The following CALB2 variants were observed in gnomAD, a reference collection of about 807,000 sequenced individuals.
CALB2 encodes the protein calretinin.
CALB2 carries 34 observed loss-of-function variants against 45.9 expected under a neutral mutation model. The observed-to-expected ratio is 0.74, with a 90% CI of 0.56 to 0.99. The LOEUF is 0.99. CALB2 is among the 50% of genes least tolerant of loss of function. The pLI is 0.00. For synonymous variants in CALB2, 142 were observed against 129.6 expected (o/e 1.10, Z -0.65); for missense variants, 344 against 339.3 (o/e 1.01, Z -0.11).
At chr16:71,387,951 A>G (rs545234790) in intron 10 of CALB2, among the ~76,000 whole-genome samples, 1 of 152,250 alleles carries the variant, frequency 6.6e-6, no homozygotes, top group African/African-American at 2.4e-5. Context: ...AATGGGAAAA[A>G]AAGACTGGCC....
intron 4 of CALB2, among the ~76,000 whole-genome samples, chr16:71,382,124 A>AAATGAAGGAAGGAAAG (rs2042502942): frequency 5.8e-5 from 2 of 34,372 alleles, no homozygotes; most frequent in Non-Finnish European, 1.7e-4. Flanking sequence ...AAAGGAAGAA[A>AAATGAAGGAAGGAAAG]AAGGAAGGAA....
intron 4 of CALB2, among the ~76,000 whole-genome samples, chr16:71,380,811 C>G (rs888128556): frequency 2.6e-5 from 4 of 152,192 alleles, no homozygotes; most frequent in Non-Finnish European, 5.9e-5. Flanking sequence ...CTTGTGCTCT[C>G]AGGTAGCTCC....
chr16:71,381,858 A>G (rs1368188382), intron 4 of CALB2, among the ~76,000 whole-genome samples: 1 of 151,972 alleles, frequency 6.6e-6, no homozygotes, highest in African/African-American at 2.4e-5. Context: ...CTACAAAAAA[A>G]TAAAAAATTA....
intron 4 of CALB2, among the ~76,000 whole-genome samples, chr16:71,380,536 G>A (rs4412976): frequency 0.4 from 60,252 of 151,330 alleles, 12,245 homozygotes; most frequent in Admixed American, 0.51. Context: ...TCAAACTCCC[G>A]ACCTCAGGTG....
rs141424820 is a variant in CALB2 at position 71,377,717 on chromosome 16, G to T, written c.312G>T (p.Gln104His). ...AGAACTTCCTTCTGTGCTTCAGGCA[G>T]CACGTGGGCTCCAGCGCCGAGTTTA... Reference protein sequence around the residue: ...TEENFLLCFRQHVGSSAEFME... With the variant: ...TEENFLLCFRHHVGSSAEFME... Residue 104 changes from glutamine to histidine, a missense_variant, in exon 4 of 11, where the codon CAG becomes CAT. Transcript: ENST00000302628. 2 of 1,613,986 alleles carry T rather than the reference G, an allele frequency of 1.2e-6. No homozygotes were observed. Among genetic ancestry groups the T allele is most frequent in the African/African-American group, 2.7e-5 (2 of 74,928 alleles).
At chr16:71,384,934 G>A (rs2042553098) in intron 9 of CALB2, 98 bp downstream of exon 9, 2 of 1,047,724 alleles carry the variant, frequency 1.9e-6, no homozygotes, top group South Asian at 1.3e-5. Context: ...CTTTCCAGGG[G>A]TGGCCTGGGC....
chr16:71,380,682 G>A (rs764008167), intron 4 of CALB2, among the ~76,000 whole-genome samples: 12 of 152,096 alleles, frequency 7.9e-5, no homozygotes, highest in African/African-American at 2.2e-4. Flanking sequence ...TGCCCGCCAC[G>A]GTTTCTGGGA....
Position 71,389,970 on chromosome 16 carries a change from C to G in CALB2, c.*105C>G. Reference sequence around the variant, plus strand: ...CGTGAGCGCCCCGCCCCCACCCCTACAGCCTGCACACACCTGCCTGCAGAG... The same window carrying G: ...CGTGAGCGCCCCGCCCCCACCCCTAGAGCCTGCACACACCTGCCTGCAGAG... On this transcript the variant is annotated 3_prime_UTR_variant, in exon 11 of 11. Transcript: ENST00000302628. The G allele has an allele frequency of 1.4e-6, 1 of 725,786 alleles. No individual in the cohort carries two copies. The highest frequency in any genetic ancestry group is 2.5e-5 in the East Asian group (1 of 40,338). The allele number at this position is 725,786 out of a possible 1,614,324, so 45.0% of individuals were successfully genotyped here. A position where few individuals can be genotyped will look rare whatever the true frequency, so the allele number is the denominator to read the frequency against.
chr16:71,360,975 G>T (rs1345335434), intron 1 of CALB2, among the ~76,000 whole-genome samples: 2 of 152,046 alleles, frequency 1.3e-5, no homozygotes, highest in Non-Finnish European at 2.9e-5. Flanking sequence ...CCAAAGAAAA[G>T]CCCCCAGCCC....
At position 71,383,353 on chromosome 16, in the gene CALB2, C is replaced by CT. The variant is rs753997772; in HGVS notation, c.400-10dup. ...CACGAGTCAGGAGTACTAAAGAGGC[C>CT]TTTTGTGTTGCAGGGATTCCTGTCA... On this transcript the variant is annotated splice_polypyrimidine_tract_variant and intron_variant, in intron 5 of 10. Coordinates refer to ENST00000302628, the MANE Select transcript of CALB2 (RefSeq NM_001740.5). The CT allele has an allele frequency of 6.8e-6, 11 of 1,613,640 alleles. 1 individual carries two copies. The South Asian group carries it at 1.2e-4, about 18-fold the overall frequency.
rs751286683 is a variant in CALB2, at chr16:71,382,789, T to TG, written c.399+18dup. The TG allele has an allele frequency of 2.5e-6, 4 of 1,603,976 alleles. No homozygotes were observed. The highest frequency in any genetic ancestry group is 3.4e-6 in the Non-Finnish European group (4 of 1,175,854). The stretch of plus-strand genomic sequence containing the variant: ...AATGAGCTCAAGGTAGGATGGGCCT[T>TG]GGGGAGGGTGTGAGGCCAGAGTGGC... On this transcript the variant is annotated intron_variant, in intron 5 of 10. Coordinates refer to ENST00000302628, the MANE Select transcript of CALB2 (RefSeq NM_001740.5).
rs778007345 is a variant in CALB2, at chr16:71,390,160, G to A, written c.*295G>A. On this transcript the variant is annotated 3_prime_UTR_variant, in exon 11 of 11. Coordinates refer to ENST00000302628, the MANE Select transcript of CALB2 (RefSeq NM_001740.5). ...TTCGCTGTGATGCATGAGCTCCCTC[G>A]CTGTATGATTTAGGCTTCTATGTCC... The A allele has an allele frequency of 3.0e-6, 1 of 331,866 alleles. No individual in the cohort carries two copies. The highest frequency in any genetic ancestry group is 5.7e-5 in the South Asian group (1 of 17,664). 20.6% of individuals were successfully genotyped at this position (331,866 alleles called of 1,614,324 possible). A position where few individuals can be genotyped will look rare whatever the true frequency, so the allele number is the denominator to read the frequency against.
chr16:71,388,342 AAAAAAAAAAGAAAAAG>A (rs1567545960), intron 10 of CALB2, among the ~76,000 whole-genome samples: 2 of 149,430 alleles, frequency 1.3e-5, no homozygotes, highest in South Asian at 2.2e-4. Flanking sequence ...CTCAAAAAAA[AAAAAAAAAAGAAAAAG>A]AAAAAGAAAA....
In CALB2 at chr16:71,363,631, C is replaced by G. The variant is rs558157302; in HGVS notation, c.94+4745C>G. Reference sequence around the variant, plus strand: ...TAGGGAATGGGGAGGAAATTTAGAACAGCAGCACCTCTCAGAGATGAACGG... The same window carrying G: ...TAGGGAATGGGGAGGAAATTTAGAAGAGCAGCACCTCTCAGAGATGAACGG... On this transcript the variant is annotated intron_variant, in intron 1 of 10. Transcript: ENST00000302628. Among the ~76,000 whole-genome samples the G allele has an allele frequency of 2.6e-5, 4 of 152,322 alleles. No individual in the cohort carries two copies. In the South Asian group the frequency reaches 8.3e-4, roughly 32 times the overall value.
chr16:71,363,148 G>A (rs1360316100), intron 1 of CALB2, among the ~76,000 whole-genome samples: 2 of 152,160 alleles, frequency 1.3e-5, no homozygotes, highest in South Asian at 4.1e-4. Flanking sequence ...TTGCACCACT[G>A]CACTCCAGCC....
intron 3 of CALB2, among the ~76,000 whole-genome samples, chr16:71,375,116 C>T (rs746924623): frequency 1.1e-4 from 17 of 152,254 alleles, no homozygotes; most frequent in Non-Finnish European, 2.1e-4. Flanking sequence ...CAGCTGAAGA[C>T]ACTAGGGAGG....
chr16:71,383,563 A>G (rs1223705506), intron 6 of CALB2, 119 bp downstream of exon 6: 3 of 894,412 alleles, frequency 3.4e-6, no homozygotes, highest in Non-Finnish European at 5.2e-6. Context: ...GAAGTGATTC[A>G]CAGTGGCAGC....
chr16:71,369,470 C>G (rs2042322836), intron 1 of CALB2, among the ~76,000 whole-genome samples: 1 of 152,192 alleles, frequency 6.6e-6, no homozygotes, highest in African/African-American at 2.4e-5. Context: ...CAGGGCTCCA[C>G]AGAGGGATGA....
intron 7 of CALB2, 34 bp from the exon 8 acceptor site, chr16:71,384,305 T>C: frequency 6.3e-7 from 1 of 1,595,726 alleles, no homozygotes; most frequent in Non-Finnish European, 8.6e-7. Flanking sequence ...GCCTGTGCAG[T>C]CTCCTCATCT....
Sources: gnomAD v4.1 joint callset for allele counts (sites outside exome capture counted in the v4.1 genomes callset) on GRCh38, gnomAD v4.1.1 for gene constraint, MANE v1.5 for transcripts, NCBI Gene and HGNC (gene_info 2026-07-23, HGNC 2026-07-21) for gene names.